UBAC1: variants seen among roughly 807,000 people sequenced by gnomAD.
The protein encoded by UBAC1 is UBA domain containing 1.
A neutral mutation model predicts 45.9 loss-of-function variants in UBAC1; 27 were observed. The observed-to-expected ratio is 0.59, with a 90% CI of 0.43 to 0.81. The LOEUF (loss-of-function observed/expected upper bound fraction) is 0.81. UBAC1 is among the 30% of genes least tolerant of loss of function. UBAC1 has a pLI of 0.00. For synonymous variants in UBAC1, 227 were observed against 215.5 expected (o/e 1.05, Z -0.47); for missense variants, 529 against 539.2 (o/e 0.98, Z 0.19).
intron 1 of UBAC1, among the ~76,000 whole-genome samples, chr9:135,959,172 C>T (rs116796992): frequency 1.3e-5 from 2 of 152,122 alleles, no homozygotes; most frequent in South Asian, 2.1e-4. Flanking sequence ...GCCGTGCCAA[C>T]GCAGGGGACA....
chr9:135,945,316 A>G, intron 6 of UBAC1, 66 bp from the exon 7 acceptor site: 1 of 1,365,976 alleles, frequency 7.3e-7, no homozygotes, highest in Non-Finnish European at 9.8e-7. Flanking sequence ...CCTCCTGTCC[A>G]TTCCCAAGAA....
chr9:135,961,042 C>A lies in UBAC1; in HGVS notation c.121G>T (p.Glu41Ter). The change falls in exon 1 of 10, where the codon GAG becomes TAG. Residue 41 changes from glutamate (E) to a stop codon, truncating the protein, a stop_gained. Transcript: ENST00000371756. LOFTEE classifies it high-confidence loss of function. ...GGCCTTACGTGCTTGAGGCAGCGCTCCTTGAGCTTCTCCACCGAGGTGTCC... is the reference window on the plus strand; with the variant it reads ...GGCCTTACGTGCTTGAGGCAGCGCTACTTGAGCTTCTCCACCGAGGTGTCC... The part of the protein sequence containing the change: ...TEDTSVEKLK[E>*]RCLKHCAHGS... The A allele has an allele frequency of 6.4e-7, 1 of 1,574,608 alleles. No individual in the cohort carries two copies. The highest frequency in any genetic ancestry group is 1.8e-5 in the Admixed American group (1 of 56,536).
chr9:135,944,277 C>T (rs1391183153), intron 7 of UBAC1, among the ~76,000 whole-genome samples: 3 of 152,194 alleles, frequency 2.0e-5, no homozygotes, highest in African/African-American at 7.2e-5. Flanking sequence ...CTCAGAATCA[C>T]CCCAGGTGGA....
rs1839353016 is a variant in UBAC1, at chr9:135,947,567, G to A, written c.441+231C>T. 3.9e-5 allele frequency: 18 copies of A among 466,090 alleles called. No individual in the cohort carries two copies. In the South Asian group the frequency reaches 6.5e-4, roughly 17 times the overall value. 28.9% of individuals were successfully genotyped at this position (466,090 alleles called of 1,614,324 possible). A position where few individuals can be genotyped will look rare whatever the true frequency, so the allele number is the denominator to read the frequency against. On this transcript the variant is annotated intron_variant, in intron 4 of 9. Coordinates refer to ENST00000371756, the MANE Select transcript of UBAC1 (RefSeq NM_016172.3). Reference sequence around the variant, plus strand: ...GGGCCGGATTGACGTTTTCCCAGGGGTATCTATCTTTTCAATCCTGCCTTC... The same window carrying A: ...GGGCCGGATTGACGTTTTCCCAGGGATATCTATCTTTTCAATCCTGCCTTC...
chr9:135,933,276 C>T lies in UBAC1; in HGVS notation c.*124G>A, dbSNP rs1021448068. The T allele has an allele frequency of 3.2e-5, 23 of 721,960 alleles. No homozygotes were observed. In the African/African-American group the frequency reaches 3.7e-4, roughly 12 times the overall value. 44.7% of individuals were successfully genotyped at this position (721,960 alleles called of 1,614,324 possible). On this transcript the variant is annotated 3_prime_UTR_variant, in exon 10 of 10. Coordinates refer to ENST00000371756, the MANE Select transcript of UBAC1 (RefSeq NM_016172.3). ...TAAGATCAGAGAGCAGGAGCAGCTG[C>T]AGCACCTCTAACAGTCCAGGGCTGA...
intron 2 of UBAC1, among the ~76,000 whole-genome samples, chr9:135,954,188 G>A (rs1443980589): frequency 6.6e-6 from 1 of 151,320 alleles, no homozygotes; most frequent in African/African-American, 2.4e-5. Context: ...TGGGTGCAGT[G>A]GCTCACTCCT....
chr9:135,957,565 C>T (rs527398018), intron 1 of UBAC1, among the ~76,000 whole-genome samples: 1 of 151,982 alleles, frequency 6.6e-6, no homozygotes, highest in Non-Finnish European at 1.5e-5. Flanking sequence ...AAAAAAGCCC[C>T]AACCAAGGCC....
Position 135,945,904 on chromosome 9 carries a change from G to A in UBAC1, c.638C>T (p.Ala213Val). Residue 213 changes from alanine to valine, a missense_variant, in exon 6 of 10, where the codon GCC (alanine) becomes GTC (valine). By Grantham distance (64) the Ala-to-Val change is moderately conservative (BLOSUM62 0). Transcript: ENST00000371756. ...MGFPENRATKALQLNHMSVPQ... is the reference protein window; with the variant it reads ...MGFPENRATKVLQLNHMSVPQ... ...CCCCACGCACTGGTTCAGCTGAAGG[G>A]CCTTGGTGGCTCTGTTCTCCGGAAA... 1.2e-6 allele frequency: 2 copies of A among 1,614,038 alleles called. No homozygotes were observed. The highest frequency in any genetic ancestry group is 1.7e-6 in the Non-Finnish European group (2 of 1,180,022).
intron 5 of UBAC1, 104 bp from the exon 6 acceptor site, chr9:135,946,101 G>T: frequency 8.3e-7 from 1 of 1,210,156 alleles, no homozygotes; most frequent in Non-Finnish European, 1.2e-6. Flanking sequence ...CCACCTGCCC[G>T]CCCTCAGGCA....
chr9:135,943,819 A>G (rs1220909394), intron 7 of UBAC1, among the ~76,000 whole-genome samples: 1 of 152,234 alleles, frequency 6.6e-6, no homozygotes, highest in Non-Finnish European at 1.5e-5. Context: ...CGTCCTTTGC[A>G]GGGTCATGGA....
At chr9:135,945,483 C>T (rs897152298) in intron 6 of UBAC1, 5 of 517,222 alleles carry the variant, frequency 9.7e-6, no homozygotes, top group Admixed American at 3.7e-5. Flanking sequence ...GAGAGGCAAG[C>T]GGACCCAGAG....
intron 9 of UBAC1, 142 bp downstream of exon 9, chr9:135,938,080 C>A (rs887065485): frequency 2.7e-5 from 36 of 1,334,572 alleles, no homozygotes; most frequent in Non-Finnish European, 3.5e-5. Context: ...AGGATGCCAA[C>A]CTGCATGGCA....
chr9:135,953,273 C>T (rs1434973040), intron 3 of UBAC1, among the ~76,000 whole-genome samples: 1 of 152,098 alleles, frequency 6.6e-6, no homozygotes, highest in Non-Finnish European at 1.5e-5. Context: ...TGGTGAACAA[C>T]TAGTATAGAG....
chr9:135,936,728 C>T (rs900508000), intron 9 of UBAC1, among the ~76,000 whole-genome samples: 2 of 152,102 alleles, frequency 1.3e-5, no homozygotes, highest in African/African-American at 2.4e-5. Flanking sequence ...CTCCTGACCT[C>T]GTGATCCACC....
chr9:135,945,054 T>C lies in UBAC1; in HGVS notation c.850A>G (p.Lys284Glu). The C allele has an allele frequency of 1.9e-6, 3 of 1,613,808 alleles. No individual in the cohort carries two copies. Among genetic ancestry groups the C allele is most frequent in the South Asian group, 1.1e-5 (1 of 90,974 alleles). The change falls in exon 7 of 10, where the codon AAA (lysine) becomes GAA (glutamate). Residue 284 changes from lysine (K) to glutamate (E), a missense_variant. Lys to Glu is a moderately conservative substitution (Grantham distance 56). Transcript: ENST00000371756. Reference protein sequence around the residue: ...LTEIFKKIRRKREFRADARAV... With the variant: ...LTEIFKKIRREREFRADARAV... ...CGAGCATCAGCCCGAAACTCCCTTT[T>C]CCTCCGGATCTTCTTGAAGATTTCC...
intron 4 of UBAC1, among the ~76,000 whole-genome samples, chr9:135,946,819 C>T (rs769545064): frequency 2.0e-5 from 3 of 152,324 alleles, no homozygotes; most frequent in Non-Finnish European, 4.4e-5. Flanking sequence ...CAGGAGGAGC[C>T]GTGGGATGGA....
At chr9:135,936,545 G>C (rs1839204895) in intron 9 of UBAC1, among the ~76,000 whole-genome samples, 2 of 149,578 alleles carry the variant, frequency 1.3e-5, no homozygotes, top group South Asian at 4.2e-4. Context: ...GCCCAGGCTA[G>C]AGTGCAGTGG....
At chr9:135,951,615 C>G (rs1418453320) in intron 3 of UBAC1, among the ~76,000 whole-genome samples, 1 of 151,882 alleles carries the variant, frequency 6.6e-6, no homozygotes, top group African/African-American at 2.4e-5. Flanking sequence ...TCGAGACCAG[C>G]CTGGCCAACA....
intron 3 of UBAC1, among the ~76,000 whole-genome samples, chr9:135,953,160 C>G (rs924955231): frequency 3.3e-5 from 5 of 152,180 alleles, no homozygotes; most frequent in Non-Finnish European, 7.4e-5. Flanking sequence ...CCGTGCTGGT[C>G]CCGTGAGCAG....
Sources: gnomAD v4.1 joint callset for allele counts (sites outside exome capture counted in the v4.1 genomes callset) on GRCh38, gnomAD v4.1.1 for gene constraint, MANE v1.5 for transcripts, NCBI Gene and HGNC (gene_info 2026-07-23, HGNC 2026-07-21) for gene names.